TCEA3: variants seen among roughly 807,000 people sequenced by gnomAD.
TCEA3 encodes transcription elongation factor A protein 3.
In TCEA3, 36 loss-of-function variants were observed where a neutral mutation model predicts 44.0. The ratio of observed to expected loss-of-function variants is 0.82; its 90% confidence interval spans 0.63 to 1.08. The LOEUF (loss-of-function observed/expected upper bound fraction) is 1.08, where lower values mean the gene tolerates loss of function less well. Among genes scored for constraint, TCEA3 ranks in the 50% least tolerant of loss-of-function variants. The pLI, the probability that TCEA3 is intolerant of heterozygous loss-of-function variation, is 0.00. For missense variants in TCEA3, 392 were observed against 441.2 expected, an observed-to-expected ratio of 0.89 and a Z score of 1.00; for synonymous variants, 162 against 159.7, an observed-to-expected ratio of 1.01 and a Z score of -0.11.
At chr1:23,410,491 TAAAGATTAGACCGTAAG>T (rs1257687348) in intron 4 of TCEA3, among the ~76,000 whole-genome samples, 6 of 152,136 alleles carry the variant, frequency 3.9e-5, no homozygotes, top group Non-Finnish European at 8.8e-5. Flanking sequence ...AGGAAAAGTC[TAAAGATTAGACCGTAAG>T]AAAATAGAAA....
At chr1:23,418,610 C>A (rs563142226) in intron 2 of TCEA3, among the ~76,000 whole-genome samples, 19 of 152,284 alleles carry the variant, frequency 1.2e-4, no homozygotes, top group Admixed American at 1.2e-3. Context: ...CCGTGGCCAG[C>A]TCACTCTAGT....
At chr1:23,387,137 G>A in intron 9 of TCEA3, 136 bp downstream of exon 9, 1 of 1,174,790 alleles carries the variant, frequency 8.5e-7, no homozygotes, top group Non-Finnish European at 1.2e-6. Flanking sequence ...ACAGACATGA[G>A]CCACCGCACC....
intron 1 of TCEA3, among the ~76,000 whole-genome samples, chr1:23,421,420 T>G (rs1640062122): frequency 6.6e-6 from 1 of 152,194 alleles, no homozygotes; most frequent in Non-Finnish European, 1.5e-5. Context: ...GGCGCAGATC[T>G]GTCTAGACAT....
At chr1:23,423,145 C>G (rs528779131) in intron 1 of TCEA3, among the ~76,000 whole-genome samples, 25 of 152,156 alleles carry the variant, frequency 1.6e-4, no homozygotes, top group Middle Eastern at 3.2e-3. Context: ...GAGTCTGGAA[C>G]GGGGAGTGCA....
At chr1:23,407,934 C>CTTTCT (rs1010275786) in intron 5 of TCEA3, among the ~76,000 whole-genome samples, 7 of 151,988 alleles carry the variant, frequency 4.6e-5, no homozygotes, top group East Asian at 1.9e-4. Flanking sequence ...CTTTCTTTTT[C>CTTTCT]TTTCTTTTCT....
rs1158092298 is a variant in TCEA3, at chr1:23,381,394, T to C, written c.*72A>G. On this transcript the variant is annotated 3_prime_UTR_variant, in exon 11 of 11. Coordinates refer to ENST00000450454, the MANE Select transcript of TCEA3 (RefSeq NM_003196.3). ...TATTTTCCTTCACTTTAATTTTTAT[T>C]GCTTCTCCAGTTCAGATAATTCAGC... 1 of 772,514 alleles carries C rather than the reference T, an allele frequency of 1.3e-6. No individual in the cohort carries two copies. Among genetic ancestry groups the C allele is most frequent in the Admixed American group, 1.8e-5 (1 of 56,296 alleles). The allele number at this position is 772,514 out of a possible 1,614,324, so 47.9% of individuals were successfully genotyped here.
At chr1:23,416,917 T>G (rs571927754) in intron 4 of TCEA3, among the ~76,000 whole-genome samples, 1 of 152,218 alleles carries the variant, frequency 6.6e-6, no homozygotes. Context: ...ACCTAGGCTG[T>G]TGCCTGGGTG....
rs1247694501 is a variant in TCEA3 at position 23,393,924 on chromosome 1, G to A, written c.774C>T (p.Leu258=). Residue 258 remains leucine, a synonymous_variant, in exon 8 of 11, where the codon CTC becomes CTT. Coordinates refer to ENST00000450454, the MANE Select transcript of TCEA3 (RefSeq NM_003196.3). ...TAAGCCCTGCGGAGATGGCCCCACT[G>A]AGCACGTTCCGCCGCAGGCCGGGGT... ...PRNPGLRRNV[L]SGAISAGLIA... 6.2e-7 allele frequency: 1 copy of A among 1,613,948 alleles called. No homozygotes were observed. The highest frequency in any genetic ancestry group is 1.1e-5 in the South Asian group (1 of 91,090).
intron 10 of TCEA3, chr1:23,384,015 C>T: frequency 8.5e-7 from 1 of 1,171,814 alleles, no homozygotes; most frequent in Non-Finnish European, 1.1e-6. Flanking sequence ...GAGGCGTGGT[C>T]CAAGTGCAGA....
intron 1 of TCEA3, among the ~76,000 whole-genome samples, chr1:23,423,699 C>G (rs1304057969): frequency 6.6e-6 from 1 of 152,194 alleles, no homozygotes; most frequent in Non-Finnish European, 1.5e-5. Context: ...CCAGGGTGAG[C>G]GCAGGCCCTC....
rs1639621706 is a variant in TCEA3 at position 23,408,642 on chromosome 1, A to G, written c.443+22T>C. Reference sequence around the variant, plus strand: ...CAGGCTGAATAGGACACTGGGATGGAGAAAGCTGTGGTTTCCTTTACCTTT... The same window carrying G: ...CAGGCTGAATAGGACACTGGGATGGGGAAAGCTGTGGTTTCCTTTACCTTT... On this transcript the variant is annotated intron_variant, in intron 5 of 10. Transcript: ENST00000450454. 4.4e-6 allele frequency: 7 copies of G among 1,606,038 alleles called. No individual in the cohort carries two copies. In the South Asian group the frequency reaches 5.6e-5, roughly 13 times the overall value.
At chr1:23,383,051 G>A (rs1031666400) in intron 10 of TCEA3, among the ~76,000 whole-genome samples, 10 of 152,208 alleles carry the variant, frequency 6.6e-5, no homozygotes, top group East Asian at 1.9e-4. Context: ...AGGCCGAGGC[G>A]GGCGGATCAC....
At chr1:23,399,006 A>G (rs866861372) in intron 5 of TCEA3, among the ~76,000 whole-genome samples, 2 of 151,512 alleles carry the variant, frequency 1.3e-5, no homozygotes, top group Middle Eastern at 3.4e-3. Context: ...GGACTCAAGC[A>G]ATCCATCTGC....
At chr1:23,395,337 G>A (rs952173359) in intron 7 of TCEA3, among the ~76,000 whole-genome samples, 2 of 152,242 alleles carry the variant, frequency 1.3e-5, no homozygotes, top group Non-Finnish European at 2.9e-5. Flanking sequence ...ACGAGGCAGA[G>A]AGCAGACCGG....
intron 10 of TCEA3, among the ~76,000 whole-genome samples, chr1:23,382,560 C>G (rs909044071): frequency 6.6e-6 from 1 of 152,236 alleles, no homozygotes; most frequent in African/African-American, 2.4e-5. Flanking sequence ...AACGTAGCCC[C>G]TGCTCTGTTT....
chr1:23,406,899 G>A (rs1287266928), intron 5 of TCEA3, among the ~76,000 whole-genome samples: 4 of 152,122 alleles, frequency 2.6e-5, no homozygotes. Context: ...TGGGATTACC[G>A]GCATGAGCCA....
intron 8 of TCEA3, among the ~76,000 whole-genome samples, chr1:23,392,365 C>CAAT (rs201992406): frequency 7.7e-3 from 89 of 11,484 alleles, no homozygotes; most frequent in South Asian, 0.013. Context: ...ACATCATACA[C>CAAT]ACACACTCCA....
intron 7 of TCEA3, 82 bp downstream of exon 7, chr1:23,397,463 C>T (rs1570249089): frequency 3.0e-6 from 4 of 1,339,888 alleles, no homozygotes; most frequent in African/African-American, 1.5e-5. Context: ...TCTCCTTCCT[C>T]ACTCTCCCAG....
chr1:23,418,176 A>T, intron 2 of TCEA3, 167 bp from the exon 3 acceptor site: 1 of 645,778 alleles, frequency 1.5e-6, no homozygotes, highest in Non-Finnish European at 2.7e-6. Flanking sequence ...TACTGTAACT[A>T]AGGCCCTGCT....
Sources: allele counts gnomAD v4.1 joint callset (sites outside exome capture counted in the v4.1 genomes callset), GRCh38; gene constraint gnomAD v4.1.1; transcripts MANE v1.5; gene names NCBI Gene and HGNC (gene_info 2026-07-23, HGNC 2026-07-21).